The following PEAK1 variants were observed in gnomAD, a reference collection of about 807,000 sequenced individuals.
PEAK1 encodes inactive tyrosine-protein kinase PEAK1.
Under a neutral mutation model 124.7 loss-of-function variants are expected in PEAK1, and 54 were observed. The ratio of observed to expected loss-of-function variants is 0.43; its 90% CI spans 0.35 to 0.54. PEAK1 has a LOEUF of 0.54. Ranked by LOEUF, PEAK1 falls within the 20% of genes least tolerant of loss-of-function variation. PEAK1 has a pLI of 0.01. For missense variants in PEAK1, 2,046 were observed against 2,134.5 expected (o/e 0.96, Z 0.82); for synonymous variants, 719 against 760.0 (o/e 0.95, Z 0.89).
In PEAK1 at chr15:77,252,474, T is replaced by A. The variant is rs2060923372; in HGVS notation, c.-222A>T. On this transcript the variant is annotated 5_prime_UTR_variant, in exon 6 of 10. Coordinates refer to ENST00000682557, the MANE Select transcript of PEAK1 (RefSeq NM_001385026.1). ...GTGCTTTGGGTCTTTCCAAGATGAA[T>A]GTCCTTTCTTCCTTGCCTCTCATTC... 1 of 985,010 alleles carries A rather than the reference T, an allele frequency of 1.0e-6. No individual in the cohort carries two copies. Among genetic ancestry groups the A allele is most frequent in the South Asian group, 4.7e-5 (1 of 21,288 alleles). 61.0% of individuals were successfully genotyped at this position (985,010 alleles called of 1,614,324 possible). A position where few individuals can be genotyped will look rare whatever the true frequency, so the allele number is the denominator to read the frequency against.
chr15:77,402,557 A>C (rs1567356954), intron 1 of PEAK1: 2 of 975,000 alleles, frequency 2.1e-6, no homozygotes, highest in East Asian at 2.3e-4. Flanking sequence ...GTTTAATCTG[A>C]TTATCTTTCT....
At chr15:77,281,029 A>ACC (rs956569180) in intron 5 of PEAK1, among the ~76,000 whole-genome samples, 9 of 151,962 alleles carry the variant, frequency 5.9e-5, no homozygotes, top group African/African-American at 2.2e-4. Context: ...GTGGGGTGAC[A>ACC]CCGGTAATCC....
chr15:77,206,291 G>A (rs2058651854), intron 6 of PEAK1, among the ~76,000 whole-genome samples: 1 of 148,298 alleles, frequency 6.7e-6, no homozygotes, highest in African/African-American at 2.5e-5. Flanking sequence ...AAACATACAT[G>A]TGCATGTGTC....
rs563822739 is a variant in PEAK1, at chr15:77,314,015, T to C, written c.-602-27511A>G. 8.5e-5 allele frequency among the ~76,000 whole-genome samples: 13 copies of C among 152,228 alleles called. No individual in the cohort carries two copies. In the South Asian group the frequency reaches 2.5e-3, roughly 29 times the overall value. On this transcript the variant is annotated intron_variant, in intron 2 of 9. Coordinates refer to ENST00000682557, the MANE Select transcript of PEAK1 (RefSeq NM_001385026.1). The stretch of plus-strand genomic sequence containing the variant: ...AGCGATAAGTCATGCTGACAGTATA[T>C]ACCCTTGATATGATGTGATGAGAAT...
At chr15:77,221,337 T>C (rs995215602) in intron 6 of PEAK1, among the ~76,000 whole-genome samples, 5 of 152,124 alleles carry the variant, frequency 3.3e-5, no homozygotes, top group African/African-American at 1.2e-4. Flanking sequence ...ATGGATGTCC[T>C]AGGCAAGATT....
At chr15:77,120,246 C>T (rs2152721202) in intron 9 of PEAK1, among the ~76,000 whole-genome samples, 1 of 152,302 alleles carries the variant, frequency 6.6e-6, no homozygotes, top group African/African-American at 2.4e-5. Flanking sequence ...TAGCTTCAAC[C>T]ATGTCATATA....
At chr15:77,392,554 T>C (rs1221795792) in intron 1 of PEAK1, among the ~76,000 whole-genome samples, 1 of 152,176 alleles carries the variant, frequency 6.6e-6, no homozygotes, top group Non-Finnish European at 1.5e-5. Flanking sequence ...ATGGCATTTA[T>C]ACATTCATCT....
intron 8 of PEAK1, among the ~76,000 whole-genome samples, chr15:77,138,890 T>C (rs1312699344): frequency 6.6e-6 from 1 of 152,104 alleles, no homozygotes; most frequent in Non-Finnish European, 1.5e-5. Flanking sequence ...GTTTTTTCTT[T>C]GTGTCTTTAT....
rs1328236604 is a variant in PEAK1, at chr15:77,181,176, T to C, written c.751A>G (p.Ser251Gly). ...LFSNMEEEHE[S>G]WDESDEELLA... ...AGCTCTTCATCACTCTCATCCCAAC[T>C]CTCGTGCTCCTCCTCCATGTTACTG... Residue 251 changes from serine to glycine, a missense_variant, in exon 7 of 10, where the codon AGT (serine) becomes GGT (glycine). Transcript: ENST00000682557. 1 of 1,614,118 alleles carries C rather than the reference T, an allele frequency of 6.2e-7. No homozygotes were observed. The highest frequency in any genetic ancestry group is 1.1e-5 in the South Asian group (1 of 91,072).
At chr15:77,102,268 ATGATT>A (rs2050701687) in exon 7 of PEAK1, 1 of 152,152 alleles carries the variant, frequency 6.6e-6, no homozygotes, top group African/African-American at 2.4e-5. Flanking sequence ...TATGTTCCTA[ATGATT>A]TGTATCAGCT....
In PEAK1 at chr15:77,114,504, G is replaced by A. The variant is rs1003520637; in HGVS notation, c.4893C>T (p.Arg1631=). ...GCTGCAGACCCCGGGAGTAGGGGGA[G>A]CGGAATGGGATGCGAGGCAGGTCTG... ...TRADLPRIPF[R]SPYSRGLQQL... The change falls in exon 10 of 10, where the codon CGC becomes CGT. Residue 1631 remains arginine (R), a synonymous_variant. Transcript: ENST00000682557. 12 of 1,613,946 alleles carry A rather than the reference G, an allele frequency of 7.4e-6. No homozygotes were observed. In the African/African-American group the frequency reaches 1.6e-4, roughly 22 times the overall value.
At chr15:77,273,420 C>G (rs541583090) in intron 5 of PEAK1, among the ~76,000 whole-genome samples, 28 of 152,134 alleles carry the variant, frequency 1.8e-4, no homozygotes, top group Non-Finnish European at 2.4e-4. Flanking sequence ...AGCAAAGTTT[C>G]AGGATACAAA....
rs540025187 is a variant in PEAK1 at position 77,282,462 on chromosome 15, TTG to T, written c.-275+1419_-275+1420del. Among the ~76,000 whole-genome samples, 15 of 152,306 alleles carry T rather than the reference TTG, an allele frequency of 9.8e-5. No homozygotes were observed. In the South Asian group the frequency reaches 2.9e-3, roughly 29 times the overall value. On this transcript the variant is annotated intron_variant, in intron 5 of 9. Coordinates refer to ENST00000682557, the MANE Select transcript of PEAK1 (RefSeq NM_001385026.1). ...AAATAGTTTAAAAAGTTAAAAGGCT[TTG>T]TGTATTAAAACCATGCCTTCTGAAT...
intron 5 of PEAK1, among the ~76,000 whole-genome samples, chr15:77,280,267 G>A (rs2062593510): frequency 6.6e-6 from 1 of 152,090 alleles, no homozygotes. Context: ...CTTGAAAACG[G>A]GAGGCGGAGG....
intron 6 of PEAK1, among the ~76,000 whole-genome samples, chr15:77,194,249 CT>C (rs1217985704): frequency 1.2e-4 from 18 of 152,138 alleles, no homozygotes; most frequent in Non-Finnish European, 2.6e-4. Context: ...AACTTGAGTC[CT>C]GGATTTTCAT....
Position 77,152,803 on chromosome 15 carries a change from G to A in PEAK1, c.3331+5700C>T, listed in dbSNP as rs1268585610. 8.5e-5 allele frequency among the ~76,000 whole-genome samples: 13 copies of A among 152,094 alleles called. No individual in the cohort carries two copies. The South Asian group carries it at 1.0e-3, about 12-fold the overall frequency. On this transcript the variant is annotated intron_variant, in intron 8 of 9. Coordinates refer to ENST00000682557, the MANE Select transcript of PEAK1 (RefSeq NM_001385026.1). Reference sequence around the variant, plus strand: ...TGCTGGATTACATTTATTGATTTGCGAATGTTGAACCAGCCTTGCATCCCA... The same window carrying A: ...TGCTGGATTACATTTATTGATTTGCAAATGTTGAACCAGCCTTGCATCCCA...
chr15:77,227,383 G>T (rs1283789502), intron 6 of PEAK1, among the ~76,000 whole-genome samples: 1 of 152,072 alleles, frequency 6.6e-6, no homozygotes, highest in Admixed American at 6.6e-5. Context: ...TCAAACAGGG[G>T]CTGATGGTTT....
At chr15:77,222,456 T>A (rs990584905) in intron 6 of PEAK1, among the ~76,000 whole-genome samples, 30 of 152,064 alleles carry the variant, frequency 2.0e-4, no homozygotes, top group Non-Finnish European at 4.4e-5. Flanking sequence ...ATCCCAATGA[T>A]CTTATGCATT....
chr15:77,336,968 C>G, intron 2 of PEAK1: 1 of 301,720 alleles, frequency 3.3e-6, no homozygotes, highest in Non-Finnish European at 4.8e-6. Flanking sequence ...TATATATGTA[C>G]TAAACACTAT....
Sources: allele counts gnomAD v4.1 joint callset (sites outside exome capture counted in the v4.1 genomes callset), GRCh38; gene constraint gnomAD v4.1.1; transcripts MANE v1.5; gene names NCBI Gene and HGNC (gene_info 2026-07-23, HGNC 2026-07-21).